The following SLC49A4 variants were observed in gnomAD, a reference collection of about 807,000 sequenced individuals.
The protein encoded by SLC49A4 is solute carrier family 49 member 4, also known as disrupted in renal cancer protein 2.
SLC49A4 carries 36 observed loss-of-function variants against 50.6 expected under a neutral mutation model. That is an observed-to-expected ratio of 0.71 (90% confidence interval 0.55 to 0.94). The LOEUF (loss-of-function observed/expected upper bound fraction) is 0.94. Ranked by LOEUF, SLC49A4 falls within the 40% of genes least tolerant of loss-of-function variation. The pLI is 0.00. For missense variants in SLC49A4, 503 were observed against 605.7 expected (o/e 0.83, Z 1.78); for synonymous variants, 248 against 241.2 (o/e 1.03, Z -0.26).
Position 122,795,300 on chromosome 3 carries a change from G to A in SLC49A4, c.108G>A (p.Ala36=). The stretch of plus-strand genomic sequence containing the variant: ...GAAGCCGGGAGGCGGCGGCGGCGGC[G>A]CTGCCCGCGGCGGTCCCGGGTCCCG... The part of the protein sequence containing the change: ...SWRSREAAAA[A]LPAAVPGPGR... Residue 36 remains alanine (A), a synonymous_variant, in exon 1 of 9, where the codon GCG becomes GCA. Coordinates refer to ENST00000261038, the MANE Select transcript of SLC49A4 (RefSeq NM_032839.3). 6.9e-7 allele frequency: 1 copy of A among 1,445,842 alleles called. No homozygotes were observed. Among genetic ancestry groups the A allele is most frequent in the Non-Finnish European group, 9.0e-7 (1 of 1,112,324 alleles). The allele number at this position is 1,445,842 out of a possible 1,614,324, so 89.6% of individuals were successfully genotyped here. A position where few individuals can be genotyped will look rare whatever the true frequency, so the allele number is the denominator to read the frequency against.
At chr3:122,857,146 A>G (rs1246034313) in intron 6 of SLC49A4, among the ~76,000 whole-genome samples, 2 of 151,960 alleles carry the variant, frequency 1.3e-5, no homozygotes, top group African/African-American at 4.8e-5. Flanking sequence ...TTTGGCTGGT[A>G]TTTTCCTATG....
At chr3:122,837,341 A>G (rs1308846547) in intron 4 of SLC49A4, among the ~76,000 whole-genome samples, 2 of 152,224 alleles carry the variant, frequency 1.3e-5, no homozygotes, top group Admixed American at 6.5e-5. Flanking sequence ...CCAAAACAGC[A>G]TGGTACTGGT....
At chr3:122,796,240 C>T (rs1376896296) in intron 1 of SLC49A4, among the ~76,000 whole-genome samples, 1 of 152,140 alleles carries the variant, frequency 6.6e-6, no homozygotes, top group Non-Finnish European at 1.5e-5. Flanking sequence ...GCATACTTAC[C>T]ACATAAGTAT....
chr3:122,840,616 GAT>G (rs1936757859), intron 4 of SLC49A4, among the ~76,000 whole-genome samples: 1 of 151,974 alleles, frequency 6.6e-6, no homozygotes, highest in Non-Finnish European at 1.5e-5. Context: ...TTATTAATGA[GAT>G]ATGTTATTCA....
rs374476009 is a variant in SLC49A4 at position 122,830,011 on chromosome 3, A to T, written c.703+2946A>T. Among the ~76,000 whole-genome samples, 57 of 152,358 alleles carry T rather than the reference A, an allele frequency of 3.7e-4. 1 individual carries two copies. The highest frequency in any genetic ancestry group is 1.4e-3 in the African/African-American group (57 of 41,596). ...TTTTAGCAAAGTTTTATGGTACAAG[A>T]TTAATATGTAAAAATCAATTGTCTA... On this transcript the variant is annotated intron_variant, in intron 3 of 8. Coordinates refer to ENST00000261038, the MANE Select transcript of SLC49A4 (RefSeq NM_032839.3).
At chr3:122,852,763 T>A (rs1936942161) in intron 5 of SLC49A4, among the ~76,000 whole-genome samples, 1 of 152,174 alleles carries the variant, frequency 6.6e-6, no homozygotes, top group South Asian at 2.1e-4. Context: ...ACTCATATTT[T>A]TTCTTCTAGG....
intron 2 of SLC49A4, among the ~76,000 whole-genome samples, chr3:122,819,017 G>A (rs893717633): frequency 6.6e-6 from 1 of 151,878 alleles, no homozygotes; most frequent in Non-Finnish European, 1.5e-5. Flanking sequence ...ACTTTCGGAG[G>A]CCAAGGCAGG....
chr3:122,813,111 G>A (rs767454593), intron 2 of SLC49A4, among the ~76,000 whole-genome samples: 17 of 151,978 alleles, frequency 1.1e-4, no homozygotes, highest in South Asian at 2.1e-4. Context: ...TTAGCCGGGC[G>A]TGGAGGCGCT....
chr3:122,873,912 G>C (rs1272956509), intron 8 of SLC49A4, among the ~76,000 whole-genome samples: 2 of 152,218 alleles, frequency 1.3e-5, no homozygotes. Flanking sequence ...AAGCATCGGA[G>C]ATGGCTGTGA....
In SLC49A4 at chr3:122,849,260, T is replaced by C. The variant is rs576919500; in HGVS notation, c.942+3389T>C. On this transcript the variant is annotated intron_variant, in intron 5 of 8. Coordinates refer to ENST00000261038, the MANE Select transcript of SLC49A4 (RefSeq NM_032839.3). ...CTTGGCTATTGTGCTGCAATAAACA[T>C]GGGAGTGCAGATTTCTTTTTCATAT... Among the ~76,000 whole-genome samples, 5 of 152,356 alleles carry C rather than the reference T, an allele frequency of 3.3e-5. No homozygotes were observed. In the East Asian group the frequency reaches 9.6e-4, roughly 29 times the overall value.
intron 4 of SLC49A4, among the ~76,000 whole-genome samples, chr3:122,845,500 T>C (rs1560222224): frequency 6.6e-6 from 1 of 152,172 alleles, no homozygotes; most frequent in African/African-American, 2.4e-5. Flanking sequence ...AATTCTCTTT[T>C]AAGTTCTTTT....
Position 122,879,431 on chromosome 3 carries a change from T to C in SLC49A4, c.*53T>C, listed in dbSNP as rs1937306502. ...GAGGCTGGAAATCAATACTGCACAC[T>C]GCACATTTGCTCAGAATTGCACATC... On this transcript the variant is annotated 3_prime_UTR_variant, in exon 9 of 9. Transcript: ENST00000261038. 6.0e-6 allele frequency: 8 copies of C among 1,322,332 alleles called. No homozygotes were observed. Among genetic ancestry groups the C allele is most frequent in the Non-Finnish European group, 8.6e-6 (8 of 931,962 alleles). 81.9% of individuals were successfully genotyped at this position (1,322,332 alleles called of 1,614,324 possible).
In SLC49A4 at chr3:122,879,421, T is replaced by A; in HGVS notation, c.*43T>A. ...AGTTTAAAAGGAGGCTGGAAATCAATACTGCACACTGCACATTTGCTCAGA... is the reference window on the plus strand; with the variant it reads ...AGTTTAAAAGGAGGCTGGAAATCAAAACTGCACACTGCACATTTGCTCAGA... On this transcript the variant is annotated 3_prime_UTR_variant, in exon 9 of 9. Coordinates refer to ENST00000261038, the MANE Select transcript of SLC49A4 (RefSeq NM_032839.3). The A allele has an allele frequency of 7.1e-7, 1 of 1,402,666 alleles. No homozygotes were observed. Among genetic ancestry groups the A allele is most frequent in the Non-Finnish European group, 1.0e-6 (1 of 993,316 alleles). 86.9% of individuals were successfully genotyped at this position (1,402,666 alleles called of 1,614,324 possible).
At chr3:122,844,603 G>A (rs543437389) in intron 4 of SLC49A4, among the ~76,000 whole-genome samples, 3 of 152,162 alleles carry the variant, frequency 2.0e-5, no homozygotes, top group South Asian at 2.1e-4. Flanking sequence ...CCAACATGGC[G>A]AAACCCTATC....
intron 4 of SLC49A4, among the ~76,000 whole-genome samples, chr3:122,843,177 T>C (rs1312688283): frequency 6.6e-5 from 10 of 152,248 alleles, no homozygotes. Flanking sequence ...ATTGTGCATA[T>C]CATTCTGTTT....
At chr3:122,823,824 C>T (rs1045945017) in intron 2 of SLC49A4, among the ~76,000 whole-genome samples, 3 of 151,998 alleles carry the variant, frequency 2.0e-5, no homozygotes, top group Non-Finnish European at 4.4e-5. Flanking sequence ...AGATTTATTT[C>T]GTAAAATGAT....
At chr3:122,796,860 T>G (rs768847737) in intron 1 of SLC49A4, among the ~76,000 whole-genome samples, 1 of 152,014 alleles carries the variant, frequency 6.6e-6, no homozygotes, top group Non-Finnish European at 1.5e-5. Context: ...TCTGCCCTGG[T>G]CAACAGGGCA....
intron 7 of SLC49A4, among the ~76,000 whole-genome samples, chr3:122,868,664 T>C (rs1056701905): frequency 3.9e-5 from 6 of 152,234 alleles, no homozygotes; most frequent in Admixed American, 2.6e-4. Context: ...CCTTCCCCCA[T>C]TCTGATGATG....
rs1935999785 is a variant in SLC49A4 at position 122,795,281 on chromosome 3, G to GGGA, written c.92_94dup (p.Glu31dup). 1 of 1,414,246 alleles carries GGGA rather than the reference G, an allele frequency of 7.1e-7. No homozygotes were observed. The highest frequency in any genetic ancestry group is 1.5e-5 in the African/African-American group (1 of 65,732). 87.6% of individuals were successfully genotyped at this position (1,414,246 alleles called of 1,614,324 possible). On this transcript the variant is annotated inframe_insertion, in exon 1 of 9. Transcript: ENST00000261038. ...GGGCTGGGGGCCTCCTGGAGAAGCC[G>GGGA]GGAGGCGGCGGCGGCGGCGCTGCCC... is the stretch of plus-strand genomic sequence containing the variant.
Sources: gnomAD v4.1 joint callset for allele counts (sites outside exome capture counted in the v4.1 genomes callset) on GRCh38, gnomAD v4.1.1 for gene constraint, MANE v1.5 for transcripts, NCBI Gene and HGNC (gene_info 2026-07-23, HGNC 2026-07-21) for gene names.